RABGAP1: variants seen among roughly 807,000 people sequenced by gnomAD.
RABGAP1 encodes the protein rab GTPase-activating protein 1.
A neutral mutation model predicts 137.6 loss-of-function variants in RABGAP1; 23 were observed. The ratio of observed to expected loss-of-function variants is 0.17; its 90% confidence interval spans 0.12 to 0.24. The LOEUF (loss-of-function observed/expected upper bound fraction) is 0.24. Among genes scored for constraint, RABGAP1 ranks in the 10% least tolerant of loss-of-function variants. The probability of loss-of-function intolerance (pLI) is 1.00; values close to 1 mark genes in which losing one functional copy is unlikely to be tolerated. For missense variants in RABGAP1, 906 were observed against 1,275.8 expected, an observed-to-expected ratio of 0.71 and a Z score of 4.42; for synonymous variants, 451 against 450.7, an observed-to-expected ratio of 1.00 and a Z score of -0.01.
intron 13 of RABGAP1, chr9:123,062,652 A>G (rs2034021390): frequency 6.6e-6 from 1 of 152,200 alleles, no homozygotes. Context: ...TTGCCCCTTC[A>G]TTCTCTGATA....
chr9:123,023,616 A>G (rs1001029460), intron 13 of RABGAP1, among the ~76,000 whole-genome samples: 4 of 152,316 alleles, frequency 2.6e-5, no homozygotes, highest in African/African-American at 9.6e-5. Context: ...TGTTTAGAGT[A>G]TTCCATTATA....
At chr9:123,056,776 A>G (rs1031480012) in intron 13 of RABGAP1, among the ~76,000 whole-genome samples, 3 of 152,174 alleles carry the variant, frequency 2.0e-5, no homozygotes, top group Non-Finnish European at 2.9e-5. Context: ...AGCGCGTTTC[A>G]GAGAGCACAG....
intron 13 of RABGAP1, among the ~76,000 whole-genome samples, chr9:123,054,100 G>T (rs2275512): frequency 6.6e-6 from 1 of 152,120 alleles, no homozygotes; most frequent in Non-Finnish European, 1.5e-5. Flanking sequence ...TATTTCCTTC[G>T]ATTTTTATCT....
chr9:123,097,804 G>T lies in RABGAP1; in HGVS notation c.2692G>T (p.Ala898Ser), dbSNP rs762183060. Residue 898 changes from alanine (A) to serine (S), a missense_variant, in exon 22 of 26, where the codon GCA becomes TCA. Around this residue, in one of 9 missense-constraint regions of RABGAP1, gnomAD observed 193 missense variants for 248.1 expected, o/e 0.78. Transcript: ENST00000373647. ...LLMTKQKLID[A>S]EEEKRRLEEE... is the part of the protein sequence containing the mutation. Reference sequence around the variant, plus strand: ...GATGACCAAACAGAAGTTGATTGATGCAGAAGAAGAGAAAAGACGGCTGGA... The same window carrying T: ...GATGACCAAACAGAAGTTGATTGATTCAGAAGAAGAGAAAAGACGGCTGGA... 28 of 1,613,890 alleles carry T rather than the reference G, an allele frequency of 1.7e-5. No individual in the cohort carries two copies. Among genetic ancestry groups the T allele is most frequent in the Non-Finnish European group, 2.4e-5 (28 of 1,179,994 alleles).
chr9:123,061,014 TAACAAA>T (rs2033950197), intron 13 of RABGAP1, among the ~76,000 whole-genome samples: 1 of 152,260 alleles, frequency 6.6e-6, no homozygotes, highest in Non-Finnish European at 1.5e-5. Context: ...ATGCTGACCA[TAACAAA>T]TTACTGTGTT....
chr9:123,099,358 C>T (rs781055537), intron 23 of RABGAP1, 120 bp from the exon 24 acceptor site: 227 of 888,516 alleles, frequency 2.6e-4, no homozygotes, highest in Non-Finnish European at 3.8e-4. Flanking sequence ...CCCTCCTGAG[C>T]GGTAGCAGGC....
intron 13 of RABGAP1, among the ~76,000 whole-genome samples, chr9:123,047,628 AAAAATT>A: frequency 6.6e-6 from 1 of 152,280 alleles, no homozygotes. Context: ...TCTTCCATAG[AAAAATT>A]AAAATCTTCA....
chr9:123,098,222 C>G (rs1260143201), intron 22 of RABGAP1, among the ~76,000 whole-genome samples: 1 of 152,208 alleles, frequency 6.6e-6, no homozygotes, highest in East Asian at 1.9e-4. Context: ...GCCAGTGCTC[C>G]ATAGTCATTG....
intron 10 of RABGAP1, among the ~76,000 whole-genome samples, chr9:123,005,759 C>T (rs1401146356): frequency 6.6e-6 from 1 of 152,158 alleles, no homozygotes; most frequent in African/African-American, 2.4e-5. Context: ...TATGAAAGTG[C>T]ATCTTAGAAT....
At chr9:123,079,039 C>CGAAGAAAAA (rs2034613385) in intron 19 of RABGAP1, among the ~76,000 whole-genome samples, 1 of 152,024 alleles carries the variant, frequency 6.6e-6, no homozygotes, top group East Asian at 1.9e-4. Flanking sequence ...ATTTTTCTTC[C>CGAAGAAAAA]TGTTTCATGC....
At chr9:123,015,213 G>T (rs2031127030) in intron 11 of RABGAP1, among the ~76,000 whole-genome samples, 1 of 151,144 alleles carries the variant, frequency 6.6e-6, no homozygotes, top group South Asian at 2.1e-4. Flanking sequence ...ATATTTTCAT[G>T]CATAAAGCTG....
In RABGAP1 at chr9:123,044,949, TGAA is replaced by T. The variant is rs1279421495; in HGVS notation, c.1795-20397_1795-20395del. ...AGGATCAACAGACTAAAGACTGTAA[TGAA>T]GTGATCTACAATTTAACAAACAATA... On this transcript the variant is annotated intron_variant, in intron 13 of 25. Transcript: ENST00000373647. Among the ~76,000 whole-genome samples, 3 of 152,234 alleles carry T rather than the reference TGAA, an allele frequency of 2.0e-5. No individual in the cohort carries two copies. In the East Asian group the frequency reaches 5.8e-4, roughly 29 times the overall value.
rs148864101 is a variant in RABGAP1 at position 122,989,586 on chromosome 9, A to G, written c.765+115A>G. 7.2e-3 allele frequency: 8,665 copies of G among 1,200,408 alleles called. 53 individuals carry two copies. Among genetic ancestry groups the G allele is most frequent in the South Asian group, 8.0e-3 (598 of 74,456 alleles). 74.4% of individuals were successfully genotyped at this position (1,200,408 alleles called of 1,614,324 possible). On this transcript the variant is annotated intron_variant, in intron 5 of 25. Coordinates refer to ENST00000373647, the MANE Select transcript of RABGAP1 (RefSeq NM_012197.4). ...CATAAGCCAGATGAAATTCTCTGCTATTGTTTTAGTGATTCTAGCCTCATG... is the reference window on the plus strand; with the variant it reads ...CATAAGCCAGATGAAATTCTCTGCTGTTGTTTTAGTGATTCTAGCCTCATG...
intron 13 of RABGAP1, among the ~76,000 whole-genome samples, chr9:123,051,434 A>G (rs1189452126): frequency 2.0e-5 from 3 of 149,504 alleles, no homozygotes; most frequent in Non-Finnish European, 3.0e-5. Flanking sequence ...TTTAGTAGAG[A>G]TGGGGTTTCT....
chr9:122,985,749 A>G (rs1350213028), intron 3 of RABGAP1, among the ~76,000 whole-genome samples: 1 of 152,190 alleles, frequency 6.6e-6, no homozygotes, highest in Admixed American at 6.5e-5. Flanking sequence ...ATCAAATCTG[A>G]GTCTGATTGA....
intron 19 of RABGAP1, among the ~76,000 whole-genome samples, chr9:123,081,164 T>G (rs1249418270): frequency 2.6e-5 from 4 of 152,250 alleles, no homozygotes; most frequent in Non-Finnish European, 5.9e-5. Flanking sequence ...TGTTATATTG[T>G]AGGAATTCAG....
intron 21 of RABGAP1, among the ~76,000 whole-genome samples, chr9:123,095,712 A>G (rs572126142): frequency 6.6e-6 from 1 of 152,220 alleles, no homozygotes; most frequent in Non-Finnish European, 1.5e-5. Context: ...TTTGAAGAAA[A>G]AAAAAAAAAA....
intron 2 of RABGAP1, among the ~76,000 whole-genome samples, chr9:122,979,275 T>C (rs1389157544): frequency 1.3e-5 from 2 of 152,352 alleles, no homozygotes; most frequent in East Asian, 3.9e-4. Flanking sequence ...GTTGAGTTTC[T>C]TTTTATGTGC....
At chr9:123,082,476 T>C (rs2034739794) in intron 19 of RABGAP1, among the ~76,000 whole-genome samples, 1 of 152,170 alleles carries the variant, frequency 6.6e-6, no homozygotes, top group Non-Finnish European at 1.5e-5. Context: ...TATTGAAAGG[T>C]CTTTTAGATT....
Sources: allele counts gnomAD v4.1 joint callset (sites outside exome capture counted in the v4.1 genomes callset), GRCh38; gene constraint gnomAD v4.1.1; regional missense constraint gnomAD v4.1.1; transcripts MANE v1.5; gene names NCBI Gene and HGNC (gene_info 2026-07-23, HGNC 2026-07-21).